UNC5D: variants seen among roughly 807,000 people sequenced by gnomAD.
The protein encoded by UNC5D is netrin receptor UNC5D.
UNC5D carries 39 observed loss-of-function variants against 105.4 expected under a neutral mutation model. The observed-to-expected ratio is 0.37, with a 90% CI of 0.29 to 0.48. The LOEUF is 0.48. Ranked by LOEUF, UNC5D falls within the 20% of genes least tolerant of loss-of-function variation. The probability of loss-of-function intolerance (pLI) is 0.98; values close to 1 mark genes in which losing one functional copy is unlikely to be tolerated. For synonymous variants in UNC5D, 452 were observed against 450.4 expected (o/e 1.00, Z -0.04); for missense variants, 991 against 1,202.4 (o/e 0.82, Z 2.60).
At chr8:35,484,823 A>G (rs1454682020) in intron 1 of UNC5D, among the ~76,000 whole-genome samples, 1 of 152,170 alleles carries the variant, frequency 6.6e-6, no homozygotes, top group African/African-American at 2.4e-5. Context: ...CCCTTTGGAG[A>G]TGGCATTGTT....
At chr8:35,269,558 T>A (rs2128831917) in intron 1 of UNC5D, among the ~76,000 whole-genome samples, 1 of 152,350 alleles carries the variant, frequency 6.6e-6, no homozygotes, top group Admixed American at 6.5e-5. Context: ...TTTTCTCGTT[T>A]ATCTTTCCCA....
intron 1 of UNC5D, among the ~76,000 whole-genome samples, chr8:35,431,904 G>A (rs1370139373): frequency 6.6e-6 from 1 of 152,030 alleles, no homozygotes; most frequent in Admixed American, 6.6e-5. Flanking sequence ...AAAGCAGAAT[G>A]AGCCATTTGT....
chr8:35,641,542 A>G (rs1822743354), intron 4 of UNC5D, among the ~76,000 whole-genome samples: 1 of 152,102 alleles, frequency 6.6e-6, no homozygotes, highest in Non-Finnish European at 1.5e-5. Flanking sequence ...TTTAGCCTTC[A>G]TTAGACATTG....
At chr8:35,567,452 C>A (rs1337189808) in intron 2 of UNC5D, among the ~76,000 whole-genome samples, 1 of 152,038 alleles carries the variant, frequency 6.6e-6, no homozygotes, top group Non-Finnish European at 1.5e-5. Context: ...GCCAGAAATT[C>A]CAGACCAGCC....
chr8:35,315,750 T>C (rs2950900), intron 1 of UNC5D, among the ~76,000 whole-genome samples: 124,711 of 152,134 alleles, frequency 0.82, 51,577 homozygotes, highest in East Asian at 1. Context: ...CTCGGATGTA[T>C]GGAGAGATTT....
chr8:35,239,203 C>T (rs187144726), intron 1 of UNC5D, among the ~76,000 whole-genome samples: 7 of 152,180 alleles, frequency 4.6e-5, no homozygotes, highest in Admixed American at 3.3e-4. Flanking sequence ...GATGACCTAT[C>T]GGTGGGTCTG....
intron 1 of UNC5D, among the ~76,000 whole-genome samples, chr8:35,291,160 A>G (rs1005774420): frequency 1.3e-5 from 2 of 152,124 alleles, no homozygotes; most frequent in African/African-American, 2.4e-5. Flanking sequence ...AATGGAAAAA[A>G]CAACAACAAA....
chr8:35,247,957 TAA>T (rs1803253905), intron 1 of UNC5D, among the ~76,000 whole-genome samples: 3 of 7,342 alleles, frequency 4.1e-4, no homozygotes, highest in African/African-American at 6.4e-4. Flanking sequence ...AATATATAAA[TAA>T]ATATTATATA....
At chr8:35,654,042 T>A (rs1215741727) in intron 4 of UNC5D, among the ~76,000 whole-genome samples, 1 of 152,234 alleles carries the variant, frequency 6.6e-6, no homozygotes, top group Admixed American at 6.5e-5. Context: ...TGGAGAGAAT[T>A]TGTAAATTGT....
intron 8 of UNC5D, among the ~76,000 whole-genome samples, chr8:35,706,974 G>C (rs555279000): frequency 6.6e-6 from 1 of 152,188 alleles, no homozygotes; most frequent in African/African-American, 2.4e-5. Context: ...CTCATTAGTA[G>C]GAGATTAGAC....
At chr8:35,553,711 A>G (rs979527038) in intron 2 of UNC5D, among the ~76,000 whole-genome samples, 4 of 152,284 alleles carry the variant, frequency 2.6e-5, no homozygotes, top group African/African-American at 9.6e-5. Context: ...TATACCCCAA[A>G]ACAATACCTA....
chr8:35,551,748 G>A (rs1220465859), intron 2 of UNC5D, among the ~76,000 whole-genome samples: 1 of 151,894 alleles, frequency 6.6e-6, no homozygotes, highest in African/African-American at 2.4e-5. Flanking sequence ...AACCCAGGAG[G>A]TGGAGGTTGC....
rs1203968234 is a variant in UNC5D, at chr8:35,796,539, C to T, written c.*5976C>T. The T allele has an allele frequency of 6.7e-6, 1 of 150,090 alleles. No homozygotes were observed. The highest frequency in any genetic ancestry group is 1.5e-5 in the Non-Finnish European group (1 of 67,762). The allele number at this position is 150,090 out of a possible 1,614,324, so 9.3% of individuals were successfully genotyped here. A position where few individuals can be genotyped will look rare whatever the true frequency, so the allele number is the denominator to read the frequency against. On this transcript the variant is annotated 3_prime_UTR_variant, in exon 17 of 17. Transcript: ENST00000404895. ...TTATGAATAAAGAGTCTTTTATTGACATTTTAGGATACTACATGAGTGGCA... is the reference window on the plus strand; with the variant it reads ...TTATGAATAAAGAGTCTTTTATTGATATTTTAGGATACTACATGAGTGGCA...
intron 13 of UNC5D, among the ~76,000 whole-genome samples, chr8:35,753,496 G>A (rs762883019): frequency 3.3e-5 from 5 of 151,952 alleles, no homozygotes; most frequent in Non-Finnish European, 5.9e-5. Flanking sequence ...GTCTCGATCC[G>A]CCCACCTCAG....
In UNC5D at chr8:35,568,083, C is replaced by T; in HGVS notation, c.323-15C>T. ...CAGCCTCAGCTGATTTGTCTCTTAT[C>T]TCTCCCACCATCAGGTTTGAAGGTC... On this transcript the variant is annotated splice_polypyrimidine_tract_variant and intron_variant, in intron 2 of 16. Transcript: ENST00000404895. The T allele has an allele frequency of 6.2e-7, 1 of 1,613,166 alleles. No individual in the cohort carries two copies. Among genetic ancestry groups the T allele is most frequent in the Middle Eastern group, 1.6e-4 (1 of 6,062 alleles).
At chr8:35,393,172 G>A (rs1183687914) in intron 1 of UNC5D, among the ~76,000 whole-genome samples, 11 of 114,252 alleles carry the variant, frequency 9.6e-5, no homozygotes, top group South Asian at 2.9e-4. Context: ...TCTCGCTGTC[G>A]CCCAGGCTGG....
intron 1 of UNC5D, among the ~76,000 whole-genome samples, chr8:35,283,760 C>A (rs1360944454): frequency 6.6e-6 from 1 of 151,202 alleles, no homozygotes; most frequent in Non-Finnish European, 1.5e-5. Flanking sequence ...GCTGAGATTG[C>A]GCCACTACAC....
intron 4 of UNC5D, among the ~76,000 whole-genome samples, chr8:35,617,416 A>G (rs951189330): frequency 2.0e-5 from 3 of 152,206 alleles, no homozygotes; most frequent in Non-Finnish European, 2.9e-5. Context: ...CTTTTGAAAT[A>G]CACCCAGCTG....
chr8:35,271,008 C>A (rs1008272704), intron 1 of UNC5D, among the ~76,000 whole-genome samples: 21 of 151,698 alleles, frequency 1.4e-4, no homozygotes, highest in African/African-American at 4.8e-4. Context: ...CACATCTATT[C>A]GGGTGAGCTA....
Sources: gnomAD v4.1 joint callset for allele counts (sites outside exome capture counted in the v4.1 genomes callset) on GRCh38, gnomAD v4.1.1 for gene constraint, MANE v1.5 for transcripts, NCBI Gene and HGNC (gene_info 2026-07-23, HGNC 2026-07-21) for gene names.